Variants in TMEM175 observed in about 807,000 individuals in gnomAD.
TMEM175 encodes the protein endosomal/lysosomal proton channel TMEM175.
TMEM175 carries 36 observed loss-of-function variants against 36.5 expected under a neutral mutation model. That is an observed-to-expected ratio of 0.99 (90% CI 0.76 to 1.30). The LOEUF (loss-of-function observed/expected upper bound fraction) is 1.30, where lower values mean the gene tolerates loss of function less well. Among genes scored for constraint, TMEM175 ranks in the 50% most tolerant of loss-of-function variants. TMEM175 has a pLI of 0.00. For synonymous variants in TMEM175, 339 were observed against 313.4 expected, an observed-to-expected ratio of 1.08 and a Z score of -0.86; for missense variants, 705 against 692.8, an observed-to-expected ratio of 1.02 and a Z score of -0.20.
intron 1 of TMEM175, among the ~76,000 whole-genome samples, chr4:946,870 C>T (rs562198324): frequency 1.3e-5 from 2 of 148,372 alleles, no homozygotes; most frequent in South Asian, 4.3e-4. Context: ...TGCACAGGCG[C>T]CGAGACCGAG....
intron 1 of TMEM175, among the ~76,000 whole-genome samples, chr4:945,692 C>T (rs2152999630): frequency 6.6e-6 from 1 of 152,276 alleles, no homozygotes; most frequent in Non-Finnish European, 1.5e-5. Context: ...ATTTCAGTCC[C>T]CTGATGCCCT....
intron 1 of TMEM175, among the ~76,000 whole-genome samples, chr4:942,642 T>C (rs1394508949): frequency 2.0e-5 from 3 of 151,610 alleles, no homozygotes; most frequent in Non-Finnish European, 4.4e-5. Flanking sequence ...TTTTCTTTTT[T>C]TTTTTTTTTC....
chr4:946,945 A>G (rs1458845187), intron 1 of TMEM175, among the ~76,000 whole-genome samples: 1 of 124,970 alleles, frequency 8.0e-6, no homozygotes, highest in Admixed American at 8.6e-5. Flanking sequence ...ACCGAGGGAG[A>G]GCACGGCCCC....
intron 8 of TMEM175, among the ~76,000 whole-genome samples, chr4:953,912 C>T (rs553888582): frequency 5.9e-5 from 9 of 152,262 alleles, no homozygotes; most frequent in African/African-American, 1.7e-4. Context: ...TCTGGAATGC[C>T]TGGACTAAAG....
Position 951,836 on chromosome 4 carries a change from G to T in TMEM175, c.378+119G>T, listed in dbSNP as rs1304217482. 3.5e-6 allele frequency: 4 copies of T among 1,150,180 alleles called. No homozygotes were observed. The African/African-American group carries it at 6.1e-5, about 18-fold the overall frequency. 71.2% of individuals were successfully genotyped at this position (1,150,180 alleles called of 1,614,324 possible). Reference sequence around the variant, plus strand: ...GCCCAGGCCACACGGTTGTAGAGAAGAGAGAAGGTTCTGGGGAGAGCCAGC... The same window carrying T: ...GCCCAGGCCACACGGTTGTAGAGAATAGAGAAGGTTCTGGGGAGAGCCAGC... On this transcript the variant is annotated intron_variant, in intron 6 of 10. Coordinates refer to ENST00000264771, the MANE Select transcript of TMEM175 (RefSeq NM_032326.4).
Position 951,192 on chromosome 4 carries a change from T to C in TMEM175, c.291-15T>C. ...AACCGCGTTTTATTGTCTATCTTTT[T>C]CTTAAATGGTTTAGGTTGTTCCAAG... On this transcript the variant is annotated splice_polypyrimidine_tract_variant and intron_variant, in intron 4 of 10. Coordinates refer to ENST00000264771, the MANE Select transcript of TMEM175 (RefSeq NM_032326.4). 1 of 1,613,870 alleles carries C rather than the reference T, an allele frequency of 6.2e-7. No individual in the cohort carries two copies. Among genetic ancestry groups the C allele is most frequent in the Non-Finnish European group, 8.5e-7 (1 of 1,179,788 alleles).
intron 4 of TMEM175, among the ~76,000 whole-genome samples, chr4:950,885 G>C (rs1728802484): frequency 6.6e-6 from 1 of 151,294 alleles, no homozygotes; most frequent in South Asian, 2.2e-4. Context: ...TGGAGGTGTG[G>C]ATGGTGCAAT....
intron 1 of TMEM175, among the ~76,000 whole-genome samples, chr4:935,141 G>T (rs1281827196): frequency 6.6e-6 from 1 of 152,200 alleles, no homozygotes; most frequent in Admixed American, 6.5e-5. Context: ...GGCATGACCT[G>T]GGATCAGCTG....
At chr4:935,280 T>C (rs867628107) in intron 1 of TMEM175, among the ~76,000 whole-genome samples, 3 of 152,230 alleles carry the variant, frequency 2.0e-5, no homozygotes, top group African/African-American at 7.2e-5. Context: ...AACCCAAATA[T>C]CTATCTCCAT....
At chr4:948,556 CG>C in intron 3 of TMEM175, 1 of 1,337,508 alleles carries the variant, frequency 7.5e-7, no homozygotes, top group Non-Finnish European at 9.8e-7. Flanking sequence ...TGAGTAAACG[CG>C]GCCAGCGCCC....
In TMEM175 at chr4:957,844, C is replaced by A; in HGVS notation, c.863C>A (p.Pro288His). Residue 288 changes from proline (P) to histidine (H), a missense_variant, in exon 11 of 11, where the codon CCC (proline) becomes CAC (histidine). By Grantham distance (77) the Pro-to-His change is moderately conservative. Coordinates refer to ENST00000264771, the MANE Select transcript of TMEM175 (RefSeq NM_032326.4). The part of the protein sequence containing the change: ...LDICEDNVPD[P>H]KDVKERFSGS... ...CTCAGCGAAGACAACGTCCCGGACCCCAAGGATGTGAAGGAGAGGTTCAGC... is the reference window on the plus strand; with the variant it reads ...CTCAGCGAAGACAACGTCCCGGACCACAAGGATGTGAAGGAGAGGTTCAGC... The A allele has an allele frequency of 1.9e-6, 3 of 1,611,190 alleles. No individual in the cohort carries two copies. The highest frequency in any genetic ancestry group is 2.5e-6 in the Non-Finnish European group (3 of 1,179,022).
At chr4:941,796 G>T (rs951071052) in intron 1 of TMEM175, among the ~76,000 whole-genome samples, 1 of 151,946 alleles carries the variant, frequency 6.6e-6, no homozygotes, top group Admixed American at 6.6e-5. Flanking sequence ...TTGGCCAGGC[G>T]TGGTGGCTCA....
intron 1 of TMEM175, among the ~76,000 whole-genome samples, chr4:941,021 A>ATAATAATAAT (rs1167876148): frequency 6.9e-6 from 1 of 144,166 alleles, no homozygotes; most frequent in Non-Finnish European, 1.5e-5. Context: ...AATAATAATA[A>ATAATAATAAT]TAATAATAAT....
intron 6 of TMEM175, 34 bp from the exon 7 acceptor site, chr4:952,333 T>C (rs139293884): frequency 6.3e-7 from 1 of 1,587,168 alleles, no homozygotes; most frequent in Non-Finnish European, 8.6e-7. Context: ...AACCTAGGAT[T>C]TGGGGGGGTT....
rs779176431 is a variant in TMEM175, at chr4:955,855, C to T, written c.807C>T (p.Tyr269=). 60 of 1,613,900 alleles carry T rather than the reference C, an allele frequency of 3.7e-5. No individual in the cohort carries two copies. The highest frequency in any genetic ancestry group is 4.5e-5 in the Non-Finnish European group (53 of 1,179,958). ...ERVEAFSDGV[Y]AIVATLLILD... Reference sequence around the variant, plus strand: ...TGGAAGCCTTCAGCGACGGAGTCTACGCCATCGTGGCCACGCTTCTCATCC... The same window carrying T: ...TGGAAGCCTTCAGCGACGGAGTCTATGCCATCGTGGCCACGCTTCTCATCC... The change falls in exon 10 of 11, where the codon TAC becomes TAT. Residue 269 remains tyrosine (Y), a synonymous_variant. Transcript: ENST00000264771.
rs1253665923 is a variant in TMEM175 at position 958,326 on chromosome 4, C to T, written c.1345C>T (p.His449Tyr). Residue 449 changes from histidine (H) to tyrosine (Y), a missense_variant, in exon 11 of 11, where the codon CAC becomes TAC. By Grantham distance (83) the His-to-Tyr change is moderately conservative. Coordinates refer to ENST00000264771, the MANE Select transcript of TMEM175 (RefSeq NM_032326.4). ...GAGCAGGTTCAGTGTGGGCATCTTCCACCTCATGCAGATCGCCGTGCCCTG... is the reference window on the plus strand; with the variant it reads ...GAGCAGGTTCAGTGTGGGCATCTTCTACCTCATGCAGATCGCCGTGCCCTG... ...LLSRFSVGIFHLMQIAVPCAF... is the reference protein window; with the variant it reads ...LLSRFSVGIFYLMQIAVPCAF... 6.2e-7 allele frequency: 1 copy of T among 1,605,196 alleles called. No homozygotes were observed. Among genetic ancestry groups the T allele is most frequent in the Non-Finnish European group, 8.5e-7 (1 of 1,179,840 alleles).
intron 1 of TMEM175, among the ~76,000 whole-genome samples, chr4:935,374 T>C (rs1419559517): frequency 1.3e-5 from 2 of 152,230 alleles, no homozygotes; most frequent in Non-Finnish European, 2.9e-5. Flanking sequence ...AGTTATAGTC[T>C]TAATCCCTAT....
chr4:945,172 G>GTGAGGCGGCCTGTCATGGCAGTCCCAT (rs139903028), intron 1 of TMEM175, among the ~76,000 whole-genome samples: 1 of 151,846 alleles, frequency 6.6e-6, no homozygotes, highest in Non-Finnish European at 1.5e-5. Flanking sequence ...GGCAGTCCCA[G>GTGAGGCGGCCTGTCATGGCAGTCCCAT]TGAGACTGCC....
At chr4:956,639 T>A (rs1027884915) in intron 10 of TMEM175, 2 of 424,994 alleles carry the variant, frequency 4.7e-6, no homozygotes, top group Non-Finnish European at 8.1e-6. Context: ...AGATGAGGTT[T>A]CACCAAGTTG....
Sources: gnomAD v4.1 joint callset for allele counts (sites outside exome capture counted in the v4.1 genomes callset) on GRCh38, gnomAD v4.1.1 for gene constraint, MANE v1.5 for transcripts, NCBI Gene and HGNC (gene_info 2026-07-23, HGNC 2026-07-21) for gene names.